NBEA: variants seen among roughly 807,000 people sequenced by gnomAD.
NBEA encodes lysosomal-trafficking regulator 2.
In NBEA, 44 loss-of-function variants were observed where a neutral mutation model predicts 343.4. That is an observed-to-expected ratio of 0.13 (90% CI 0.10 to 0.16). The LOEUF is 0.16. Among genes scored for constraint, NBEA ranks in the 10% least tolerant of loss-of-function variants. NBEA has a pLI of 1.00. For missense variants in NBEA, 2,555 were observed against 3,631.3 expected (o/e 0.70, Z 7.62); for synonymous variants, 1,175 against 1,238.7 (o/e 0.95, Z 1.08).
intron 34 of NBEA, among the ~76,000 whole-genome samples, chr13:35,283,596 A>G (rs1266105448): frequency 1.3e-5 from 2 of 152,182 alleles, no homozygotes; most frequent in Admixed American, 1.3e-4. Flanking sequence ...GCATTTTACA[A>G]TTCAAATATT....
At chr13:35,392,080 A>G (rs1293033446) in intron 38 of NBEA, among the ~76,000 whole-genome samples, 1 of 152,124 alleles carries the variant, frequency 6.6e-6, no homozygotes, top group African/African-American at 2.4e-5. Flanking sequence ...TTTCTCTTAG[A>G]TTTTATATTA....
chr13:35,091,527 T>A (rs1188257119), intron 10 of NBEA, among the ~76,000 whole-genome samples: 1 of 151,956 alleles, frequency 6.6e-6, no homozygotes, highest in Non-Finnish European at 1.5e-5. Context: ...GACATGATTG[T>A]CTATGTAAAA....
At chr13:35,584,667 T>C (rs944330680) in intron 46 of NBEA, among the ~76,000 whole-genome samples, 2 of 151,838 alleles carry the variant, frequency 1.3e-5, no homozygotes, top group Admixed American at 1.3e-4. Flanking sequence ...GCCCAGCTAA[T>C]TTTTGTATTT....
At chr13:35,340,855 C>G (rs890975595) in intron 36 of NBEA, among the ~76,000 whole-genome samples, 11 of 151,364 alleles carry the variant, frequency 7.3e-5, no homozygotes, top group African/African-American at 2.4e-4. Context: ...TCAATGCACT[C>G]TATCAAAATT....
At chr13:35,356,100 T>C (rs1163805970) in intron 38 of NBEA, among the ~76,000 whole-genome samples, 1 of 152,128 alleles carries the variant, frequency 6.6e-6, no homozygotes, top group Non-Finnish European at 1.5e-5. Context: ...AATTAATGAA[T>C]AAACACTTGG....
At chr13:34,973,219 A>C (rs914440909) in intron 1 of NBEA, among the ~76,000 whole-genome samples, 1 of 151,732 alleles carries the variant, frequency 6.6e-6, no homozygotes, top group Non-Finnish European at 1.5e-5. Context: ...GCCCAAACAT[A>C]CCTGTAGGAG....
intron 34 of NBEA, among the ~76,000 whole-genome samples, chr13:35,286,478 A>G (rs749292852): frequency 5.9e-5 from 9 of 152,128 alleles, no homozygotes; most frequent in Non-Finnish European, 1.2e-4. Flanking sequence ...TCCCTAGAAC[A>G]TGTAATATTC....
intron 52 of NBEA, 94 bp downstream of exon 52, chr13:35,649,941 C>T: frequency 7.4e-6 from 9 of 1,222,608 alleles, no homozygotes; most frequent in Non-Finnish European, 1.0e-5. Flanking sequence ...GCTCATATCC[C>T]ACATTATCTA....
chr13:35,435,612 G>A (rs2045389046), intron 39 of NBEA, among the ~76,000 whole-genome samples: 2 of 151,874 alleles, frequency 1.3e-5, no homozygotes, highest in South Asian at 4.2e-4. Flanking sequence ...AAAAATGGGA[G>A]TTTTGTACTA....
At chr13:35,229,517 T>A (rs73167796) in intron 33 of NBEA, among the ~76,000 whole-genome samples, 2 of 152,092 alleles carry the variant, frequency 1.3e-5, no homozygotes, top group Non-Finnish European at 2.9e-5. Context: ...GGAGAAAATT[T>A]TATTTATTTT....
chr13:35,040,810 ATTT>A, intron 1 of NBEA, 120 bp from the exon 2 acceptor site: 1 of 770,944 alleles, frequency 1.3e-6, no homozygotes, highest in Non-Finnish European at 2.1e-6. Context: ...ATCAAAATTA[ATTT>A]TATACCAGAA....
At chr13:35,552,968 G>A (rs1594953848) in intron 43 of NBEA, among the ~76,000 whole-genome samples, 3 of 151,648 alleles carry the variant, frequency 2.0e-5, no homozygotes, top group African/African-American at 7.3e-5. Flanking sequence ...TCAGCTCACC[G>A]CAGCCTTGAT....
chr13:35,148,522 A>G (rs900567857), intron 18 of NBEA, among the ~76,000 whole-genome samples: 7 of 152,190 alleles, frequency 4.6e-5, no homozygotes, highest in African/African-American at 1.7e-4. Context: ...GTCAGAATTA[A>G]TATTCATCAT....
At chr13:34,951,872 C>G (rs1454957504) in intron 1 of NBEA, among the ~76,000 whole-genome samples, 1 of 152,176 alleles carries the variant, frequency 6.6e-6, no homozygotes, top group Non-Finnish European at 1.5e-5. Flanking sequence ...GGTAACAAGT[C>G]TAAGGGGCAA....
chr13:35,563,174 GATAA>G (rs1303621651), intron 44 of NBEA, among the ~76,000 whole-genome samples: 24 of 144,972 alleles, frequency 1.7e-4, no homozygotes, highest in African/African-American at 6.0e-4. Context: ...TAGATAGATA[GATAA>G]TCTCCACACA....
chr13:35,491,035 GT>G (rs1422638459), intron 41 of NBEA, among the ~76,000 whole-genome samples: 4 of 151,854 alleles, frequency 2.6e-5, no homozygotes, highest in Admixed American at 6.6e-5. Context: ...AAGTTTATGT[GT>G]TTTAAAAAGA....
chr13:35,065,435 G>A (rs940630003), intron 8 of NBEA, among the ~76,000 whole-genome samples: 3 of 151,394 alleles, frequency 2.0e-5, no homozygotes, highest in Non-Finnish European at 2.9e-5. Context: ...TATTGGTGTT[G>A]GTCACTGTGA....
chr13:35,038,732 CAA>C (rs140073252), intron 1 of NBEA, among the ~76,000 whole-genome samples: 2,390 of 152,110 alleles, frequency 0.016, 62 homozygotes, highest in African/African-American at 0.049. Flanking sequence ...AACTGGTAAA[CAA>C]GATGCAAGAC....
intron 41 of NBEA, among the ~76,000 whole-genome samples, chr13:35,517,593 A>T (rs182125948): frequency 2.6e-5 from 4 of 152,156 alleles, no homozygotes; most frequent in Admixed American, 1.3e-4. Flanking sequence ...AGCCTATTGG[A>T]GTTTATCTCC....
Sources: gnomAD v4.1 joint callset for allele counts (sites outside exome capture counted in the v4.1 genomes callset) on GRCh38, gnomAD v4.1.1 for gene constraint, MANE v1.5 for transcripts, NCBI Gene and HGNC (gene_info 2026-07-23, HGNC 2026-07-21) for gene names.